CNTN1: variants seen among roughly 807,000 people sequenced by gnomAD.
CNTN1 encodes contactin-1.
In CNTN1, 38 loss-of-function variants were observed where a neutral mutation model predicts 126.4. The ratio of observed to expected loss-of-function variants is 0.30; its 90% CI spans 0.23 to 0.39. CNTN1 has a LOEUF of 0.39. Among genes scored for constraint, CNTN1 ranks in the 10% least tolerant of loss-of-function variants. The probability of loss-of-function intolerance (pLI) is 1.00; values close to 1 mark genes in which losing one functional copy is unlikely to be tolerated. For synonymous variants in CNTN1, 413 were observed against 422.6 expected (o/e 0.98, Z 0.28); for missense variants, 1,009 against 1,248.4 (o/e 0.81, Z 2.89).
intron 14 of CNTN1, among the ~76,000 whole-genome samples, chr12:40,953,136 G>A (rs1946749677): frequency 6.6e-6 from 1 of 152,154 alleles, no homozygotes; most frequent in Non-Finnish European, 1.5e-5. Context: ...GGTGAAGGAA[G>A]GGCTGGGTAT....
chr12:40,771,212 AG>A (rs1443802488), intron 1 of CNTN1, among the ~76,000 whole-genome samples: 1 of 152,096 alleles, frequency 6.6e-6, no homozygotes, highest in Non-Finnish European at 1.5e-5. Context: ...GGCTTGTGAA[AG>A]CTTGTTGAAT....
At chr12:41,057,373 G>A (rs976698348) in intron 23 of CNTN1, among the ~76,000 whole-genome samples, 12 of 151,336 alleles carry the variant, frequency 7.9e-5, no homozygotes, top group Non-Finnish European at 1.8e-4. Context: ...AGGAAGAAAG[G>A]TGATAAATAA....
At chr12:40,724,869 T>C (rs1469749691) in intron 1 of CNTN1, among the ~76,000 whole-genome samples, 2 of 152,174 alleles carry the variant, frequency 1.3e-5, no homozygotes, top group Non-Finnish European at 2.9e-5. Context: ...AAAAGCACTA[T>C]TGCTACATTT....
chr12:40,720,961 A>G (rs1265277982), intron 1 of CNTN1, among the ~76,000 whole-genome samples: 1 of 150,742 alleles, frequency 6.6e-6, no homozygotes, highest in Non-Finnish European at 1.5e-5. Flanking sequence ...ATATATATAT[A>G]TATGTGTATA....
At chr12:40,971,390 G>A (rs770867662) in intron 15 of CNTN1, 1 of 1,528,776 alleles carries the variant, frequency 6.5e-7, no homozygotes, top group Non-Finnish European at 8.9e-7. Context: ...GCCCCTAATT[G>A]GGCATCCACA....
At chr12:40,795,364 T>G (rs1940388890) in intron 1 of CNTN1, among the ~76,000 whole-genome samples, 1 of 149,128 alleles carries the variant, frequency 6.7e-6, no homozygotes, top group African/African-American at 2.5e-5. Flanking sequence ...GTCGCCAGGC[T>G]GGAGTGCAGT....
At chr12:40,846,137 A>T (rs1942490784) in intron 1 of CNTN1, among the ~76,000 whole-genome samples, 1 of 152,196 alleles carries the variant, frequency 6.6e-6, no homozygotes, top group East Asian at 1.9e-4. Context: ...TGATACAAAA[A>T]GGACAGAGCA....
chr12:40,789,266 A>T (rs1476977556), intron 1 of CNTN1, among the ~76,000 whole-genome samples: 2 of 152,156 alleles, frequency 1.3e-5, no homozygotes, highest in Non-Finnish European at 1.5e-5. Context: ...TTGATAACTG[A>T]ATCACCCATC....
intron 3 of CNTN1, among the ~76,000 whole-genome samples, chr12:40,918,357 G>A (rs960689524): frequency 1.6e-4 from 25 of 152,068 alleles, no homozygotes; most frequent in African/African-American, 3.4e-4. Flanking sequence ...AAGCATATGC[G>A]GAGGCTCAGG....
At chr12:40,854,754 T>C (rs1418632153) in intron 1 of CNTN1, among the ~76,000 whole-genome samples, 2 of 152,070 alleles carry the variant, frequency 1.3e-5, no homozygotes, top group African/African-American at 4.8e-5. Flanking sequence ...CTAAAGCAAC[T>C]GATTTCAGAA....
chr12:40,776,508 C>T (rs923790868), intron 1 of CNTN1, among the ~76,000 whole-genome samples: 1 of 151,650 alleles, frequency 6.6e-6, no homozygotes, highest in Non-Finnish European at 1.5e-5. Context: ...ACTCATGCCT[C>T]ATTTTTATAT....
chr12:41,034,023 C>T (rs1949203261), intron 23 of CNTN1, among the ~76,000 whole-genome samples: 1 of 151,916 alleles, frequency 6.6e-6, no homozygotes, highest in African/African-American at 2.4e-5. Flanking sequence ...GCACTCCAGC[C>T]TGGGCGACAG....
intron 23 of CNTN1, among the ~76,000 whole-genome samples, chr12:41,051,352 C>T (rs949057822): frequency 4.6e-5 from 7 of 151,490 alleles, no homozygotes; most frequent in Non-Finnish European, 7.4e-5. Flanking sequence ...AGCATTTCAC[C>T]GTGTTAGCCA....
At chr12:40,827,619 C>A (rs1941657003) in intron 1 of CNTN1, among the ~76,000 whole-genome samples, 1 of 152,180 alleles carries the variant, frequency 6.6e-6, no homozygotes, top group Non-Finnish European at 1.5e-5. Context: ...ACAGCAGATG[C>A]TGTAGCATTT....
Position 40,924,978 on chromosome 12 carries a change from G to A in CNTN1, c.496+326G>A, listed in dbSNP as rs140121145. 1.6e-3 allele frequency among the ~76,000 whole-genome samples: 243 copies of A among 148,550 alleles called. 2 individuals are homozygous for A. Among genetic ancestry groups the A allele is most frequent in the Middle Eastern group, 0.014 (4 of 282 alleles). ...TAGAAAATATTCCTGAAATAGAACA[G>A]TACCAAGAAAGGATGTATAATCAAT... On this transcript the variant is annotated intron_variant, in intron 6 of 23. Transcript: ENST00000551295.
intron 1 of CNTN1, among the ~76,000 whole-genome samples, chr12:40,884,016 T>C (rs1293254698): frequency 6.6e-6 from 1 of 151,570 alleles, no homozygotes; most frequent in Non-Finnish European, 1.5e-5. Context: ...CTGCCCATAA[T>C]GCCACCTAAG....
intron 1 of CNTN1, among the ~76,000 whole-genome samples, chr12:40,904,373 CCTTCCTT>C (rs1290921773): frequency 2.1e-4 from 24 of 115,396 alleles, no homozygotes; most frequent in Admixed American, 7.1e-4. Context: ...TCCTTTCCTT[CCTTCCTT>C]CTTTCCTTCC....
chr12:40,803,587 T>C (rs1163176753), intron 1 of CNTN1, among the ~76,000 whole-genome samples: 2 of 152,000 alleles, frequency 1.3e-5, no homozygotes, highest in Non-Finnish European at 2.9e-5. Context: ...AACCCATGCT[T>C]AGATTTTCAC....
chr12:40,874,746 G>T (rs1413461593), intron 1 of CNTN1, among the ~76,000 whole-genome samples: 1 of 152,032 alleles, frequency 6.6e-6, no homozygotes, highest in South Asian at 2.1e-4. Context: ...TGTATATTTA[G>T]GTGTGTTTTA....
Sources: gnomAD v4.1 joint callset for allele counts (sites outside exome capture counted in the v4.1 genomes callset) on GRCh38, gnomAD v4.1.1 for gene constraint, MANE v1.5 for transcripts, NCBI Gene and HGNC (gene_info 2026-07-23, HGNC 2026-07-21) for gene names.